Variants in DENND4A observed in about 807,000 individuals in gnomAD.
DENND4A encodes the protein C-myc promoter-binding protein.
Under a neutral mutation model 199.3 loss-of-function variants are expected in DENND4A, and 70 were observed. That is an observed-to-expected ratio of 0.35 (90% CI 0.29 to 0.43). The LOEUF (loss-of-function observed/expected upper bound fraction) is 0.43, where lower values mean the gene tolerates loss of function less well. Ranked by LOEUF, DENND4A falls within the 20% of genes least tolerant of loss-of-function variation. The pLI is 1.00. For missense variants in DENND4A, 1,723 were observed against 2,255.8 expected (o/e 0.76, Z 4.78); for synonymous variants, 686 against 766.9 (o/e 0.89, Z 1.74).
chr15:65,753,522 C>T (rs2076620214), intron 3 of DENND4A, among the ~76,000 whole-genome samples: 1 of 151,978 alleles, frequency 6.6e-6, no homozygotes, highest in African/African-American at 2.4e-5. Flanking sequence ...CCACACCTGA[C>T]TAATTTTTGT....
At chr15:65,695,281 G>T (rs1031045747) in intron 22 of DENND4A, among the ~76,000 whole-genome samples, 1 of 152,142 alleles carries the variant, frequency 6.6e-6, no homozygotes, top group Admixed American at 6.6e-5. Flanking sequence ...ACTCAACTCT[G>T]CTGTTGCAAT....
chr15:65,707,821 G>A, intron 14 of DENND4A, among the ~76,000 whole-genome samples: 1 of 151,958 alleles, frequency 6.6e-6, no homozygotes, highest in Non-Finnish European at 1.5e-5. Flanking sequence ...AAGTAGCTGG[G>A]ACTACAAGTG....
chr15:65,685,482 T>C (rs1172978271), intron 23 of DENND4A, among the ~76,000 whole-genome samples: 1 of 152,204 alleles, frequency 6.6e-6, no homozygotes, highest in African/African-American at 2.4e-5. Flanking sequence ...GTGTTAATGC[T>C]TGTATATAAG....
intron 23 of DENND4A, among the ~76,000 whole-genome samples, chr15:65,679,098 T>A (rs1354540571): frequency 6.6e-6 from 1 of 151,538 alleles, no homozygotes; most frequent in Non-Finnish European, 1.5e-5. Flanking sequence ...GACTTTATGA[T>A]TTTATTATTA....
intron 12 of DENND4A, among the ~76,000 whole-genome samples, chr15:65,720,790 A>G (rs920387871): frequency 6.6e-6 from 1 of 151,402 alleles, no homozygotes; most frequent in African/African-American, 2.4e-5. Flanking sequence ...GCCTCCTTCA[A>G]TCTCATTCTC....
chr15:65,783,444 T>C (rs1364737924), intron 1 of DENND4A, among the ~76,000 whole-genome samples: 12 of 152,156 alleles, frequency 7.9e-5, no homozygotes, highest in Admixed American at 3.9e-4. Context: ...ATACAGATAA[T>C]AGTTATATAT....
chr15:65,729,290 C>T (rs543471548), intron 10 of DENND4A, 43 bp from the exon 11 acceptor site: 7 of 1,541,438 alleles, frequency 4.5e-6, no homozygotes, highest in Middle Eastern at 1.7e-4. Context: ...CTTTTTAACA[C>T]TGAAGCATAA....
chr15:65,760,527 C>G (rs577446986), intron 2 of DENND4A, among the ~76,000 whole-genome samples: 32 of 151,532 alleles, frequency 2.1e-4, no homozygotes, highest in Non-Finnish European at 4.1e-4. Flanking sequence ...AATAAACAAA[C>G]TAAAGCAGGC....
chr15:65,719,529 T>C (rs1335180930), intron 12 of DENND4A, among the ~76,000 whole-genome samples: 1 of 151,976 alleles, frequency 6.6e-6, no homozygotes, highest in Non-Finnish European at 1.5e-5. Context: ...AGCAAAATAG[T>C]GTGCGATCTG....
chr15:65,694,241 G>A (rs1324514502), intron 22 of DENND4A, among the ~76,000 whole-genome samples: 1 of 152,172 alleles, frequency 6.6e-6, no homozygotes, highest in Admixed American at 6.5e-5. Flanking sequence ...CTGAGGTTGG[G>A]AATTTGAGAC....
rs1567096654 is a variant in DENND4A at position 65,771,185 on chromosome 15, T to G, written c.-101-9747A>C. ...AAAAATTCCAGTTCATCCTCCTTTA[T>G]AAAGACCGGTAAGCCGCTCTAATTC... On this transcript the variant is annotated intron_variant, in intron 1 of 32. Transcript: ENST00000443035. The G allele has an allele frequency of 6.3e-6, 10 of 1,595,424 alleles. No individual in the cohort carries two copies. The Admixed American group carries it at 7.2e-5, about 11-fold the overall frequency.
chr15:65,683,528 A>C (rs2076652599), intron 23 of DENND4A, among the ~76,000 whole-genome samples: 1 of 152,162 alleles, frequency 6.6e-6, no homozygotes, highest in South Asian at 2.1e-4. Context: ...TTAACCTCTA[A>C]GCACCTCTTA....
intron 14 of DENND4A, among the ~76,000 whole-genome samples, chr15:65,706,792 C>A (rs1476856035): frequency 6.6e-6 from 1 of 152,112 alleles, no homozygotes; most frequent in South Asian, 2.1e-4. Flanking sequence ...CAGCGCCCGG[C>A]CTTTCATTTT....
At chr15:65,720,947 T>TTTTATATATATATATATATATATATA (rs1435137020) in intron 12 of DENND4A, among the ~76,000 whole-genome samples, 10 of 76,248 alleles carry the variant, frequency 1.3e-4, no homozygotes, top group African/African-American at 4.7e-4. Context: ...GTTTCATTGA[T>TTTTATATATATATATATATATATATA]TATATATATA....
At chr15:65,667,007 A>G (rs2076061823) in intron 29 of DENND4A, among the ~76,000 whole-genome samples, 1 of 152,120 alleles carries the variant, frequency 6.6e-6, no homozygotes, top group Non-Finnish European at 1.5e-5. Flanking sequence ...AAACAATTCT[A>G]TTTATCTAAT....
At chr15:65,778,895 A>G (rs74848307) in intron 1 of DENND4A, among the ~76,000 whole-genome samples, 10,423 of 146,312 alleles carry the variant, frequency 0.071, 361 homozygotes, top group African/African-American at 0.1. Flanking sequence ...CTCCGCATCA[A>G]AAAAAAAAAA....
At chr15:65,663,834 T>C (rs2075953668) in intron 32 of DENND4A, among the ~76,000 whole-genome samples, 1 of 151,054 alleles carries the variant, frequency 6.6e-6, no homozygotes, top group African/African-American at 2.4e-5. Flanking sequence ...TTTTTTTTGG[T>C]AGAAATGGGG....
intron 1 of DENND4A, among the ~76,000 whole-genome samples, chr15:65,762,385 A>G (rs1243211560): frequency 3.3e-5 from 5 of 152,142 alleles, no homozygotes; most frequent in Admixed American, 6.5e-5. Flanking sequence ...GCACTTTGAG[A>G]GGCCAAGGCA....
chr15:65,784,420 C>T (rs1315497794), intron 1 of DENND4A, among the ~76,000 whole-genome samples: 1 of 150,402 alleles, frequency 6.6e-6, no homozygotes, highest in Non-Finnish European at 1.5e-5. Flanking sequence ...ATTGAAATGT[C>T]AGACACTGGC....
Sources: allele counts gnomAD v4.1 joint callset (sites outside exome capture counted in the v4.1 genomes callset), GRCh38; gene constraint gnomAD v4.1.1; transcripts MANE v1.5; gene names NCBI Gene and HGNC (gene_info 2026-07-23, HGNC 2026-07-21).